Variants in FCHSD2 observed in about 807,000 individuals in gnomAD.
FCHSD2 encodes F-BAR and double SH3 domains protein 2.
A neutral mutation model predicts 108.1 loss-of-function variants in FCHSD2; 38 were observed. The ratio of observed to expected loss-of-function variants is 0.35; its 90% CI spans 0.27 to 0.46. The LOEUF (loss-of-function observed/expected upper bound fraction) is 0.46. FCHSD2 is among the 20% of genes least tolerant of loss of function. The pLI is 1.00. For synonymous variants in FCHSD2, 279 were observed against 314.7 expected (o/e 0.89, Z 1.20); for missense variants, 751 against 897.8 (o/e 0.84, Z 2.09).
At chr11:72,914,324 A>G (rs1855827367) in intron 9 of FCHSD2, among the ~76,000 whole-genome samples, 1 of 152,170 alleles carries the variant, frequency 6.6e-6, no homozygotes, top group Non-Finnish European at 1.5e-5. Context: ...TGCCCTAAGC[A>G]ATTTATAGAT....
In FCHSD2 at chr11:72,925,661, A is replaced by G. The variant is rs117276035; in HGVS notation, c.706-3711T>C. 3.7e-4 allele frequency among the ~76,000 whole-genome samples: 56 copies of G among 152,372 alleles called. 1 individual carries two copies. The East Asian group carries it at 9.8e-3, about 27-fold the overall frequency. ...TCATGAGATAATAACTGACGCACGT[A>G]TCCCAGGGTCCACCAGTAGACACGA... On this transcript the variant is annotated intron_variant, in intron 8 of 19. Coordinates refer to ENST00000409418, the MANE Select transcript of FCHSD2 (RefSeq NM_014824.3).
intron 3 of FCHSD2, among the ~76,000 whole-genome samples, chr11:73,040,837 T>TA (rs1457043682): frequency 2.0e-5 from 3 of 152,306 alleles, no homozygotes; most frequent in Non-Finnish European, 4.4e-5. Context: ...TATTTAACTG[T>TA]ATATTTGTAC....
intron 8 of FCHSD2, among the ~76,000 whole-genome samples, chr11:72,957,679 T>G (rs983903411): frequency 2.6e-5 from 4 of 151,834 alleles, no homozygotes; most frequent in Admixed American, 1.3e-4. Flanking sequence ...ATTTCCTGAT[T>G]TGGATAGCTA....
intron 9 of FCHSD2, among the ~76,000 whole-genome samples, chr11:72,918,564 T>TA (rs1855920634): frequency 6.6e-6 from 1 of 152,192 alleles, no homozygotes; most frequent in Admixed American, 6.5e-5. Flanking sequence ...GCTGAGTGTT[T>TA]ATCACAAAAA....
intron 6 of FCHSD2, among the ~76,000 whole-genome samples, chr11:72,985,357 C>G (rs1180548494): frequency 2.1e-5 from 1 of 47,406 alleles, no homozygotes; most frequent in South Asian, 7.4e-4. Flanking sequence ...CCAGAATGAC[C>G]AAAAAAAAAA....
intron 12 of FCHSD2, 85 bp downstream of exon 12, chr11:72,887,385 A>G: frequency 1.2e-6 from 1 of 830,296 alleles, no homozygotes; most frequent in South Asian, 1.5e-5. Flanking sequence ...CAGTGTGTGT[A>G]GAAACTCAGT....
chr11:72,925,246 A>G (rs1856053772), intron 8 of FCHSD2, among the ~76,000 whole-genome samples: 1 of 152,194 alleles, frequency 6.6e-6, no homozygotes, highest in Non-Finnish European at 1.5e-5. Flanking sequence ...TTTTGACCTT[A>G]CCATAATCAG....
intron 8 of FCHSD2, among the ~76,000 whole-genome samples, chr11:72,936,263 T>C (rs1024060504): frequency 5.3e-5 from 8 of 152,212 alleles, no homozygotes; most frequent in Admixed American, 2.0e-4. Flanking sequence ...GTAAGGAATT[T>C]TGGTGACAGA....
chr11:72,925,553 T>C (rs1029879930), intron 8 of FCHSD2, among the ~76,000 whole-genome samples: 5 of 152,086 alleles, frequency 3.3e-5, no homozygotes, highest in African/African-American at 4.8e-5. Flanking sequence ...CAAATAAATT[T>C]CTAAACACTT....
At chr11:73,096,038 A>T (rs1860065744) in intron 2 of FCHSD2, among the ~76,000 whole-genome samples, 1 of 152,098 alleles carries the variant, frequency 6.6e-6, no homozygotes, top group South Asian at 2.1e-4. Context: ...AAACAAAACA[A>T]AACAAAAAAA....
intron 8 of FCHSD2, among the ~76,000 whole-genome samples, chr11:72,977,847 TG>T (rs1857132664): frequency 6.6e-6 from 1 of 152,250 alleles, no homozygotes; most frequent in South Asian, 2.1e-4. Flanking sequence ...CATGCTGCTC[TG>T]AAGACACATG....
chr11:72,918,901 A>G (rs17244499), intron 9 of FCHSD2, among the ~76,000 whole-genome samples: 22,989 of 152,116 alleles, frequency 0.15, 2,222 homozygotes, highest in South Asian at 0.21. Flanking sequence ...CTATGACAAC[A>G]TCTGCTTCAG....
At chr11:72,918,196 C>G (rs916011221) in intron 9 of FCHSD2, among the ~76,000 whole-genome samples, 45 of 151,878 alleles carry the variant, frequency 3.0e-4, no homozygotes, top group Admixed American at 2.8e-3. Flanking sequence ...CTTTTTGGAT[C>G]ATTCATTGAT....
chr11:72,885,088 T>C (rs1855168596), intron 12 of FCHSD2, among the ~76,000 whole-genome samples: 1 of 152,200 alleles, frequency 6.6e-6, no homozygotes, highest in South Asian at 2.1e-4. Context: ...AAACCATTAT[T>C]GTTAATTCCT....
At chr11:72,850,398 G>A (rs1300066847) in intron 13 of FCHSD2, among the ~76,000 whole-genome samples, 2 of 150,868 alleles carry the variant, frequency 1.3e-5, no homozygotes, top group African/African-American at 4.9e-5. Context: ...TTATTTTTGA[G>A]ACGGAGTCTC....
At chr11:72,909,950 C>G (rs1855723380) in intron 9 of FCHSD2, among the ~76,000 whole-genome samples, 1 of 148,050 alleles carries the variant, frequency 6.8e-6, no homozygotes, top group Non-Finnish European at 1.5e-5. Context: ...AGTACCTCTG[C>G]CCAGCTGCCC....
chr11:73,030,992 C>G (rs1858346889), intron 3 of FCHSD2, among the ~76,000 whole-genome samples: 1 of 151,956 alleles, frequency 6.6e-6, no homozygotes, highest in Non-Finnish European at 1.5e-5. Context: ...CATACACACA[C>G]ACATTGACGC....
intron 12 of FCHSD2, among the ~76,000 whole-genome samples, chr11:72,877,905 T>C (rs1166933390): frequency 1.3e-5 from 2 of 151,906 alleles, no homozygotes; most frequent in African/African-American, 4.8e-5. Flanking sequence ...ATTCGGGAAA[T>C]GGAGGTGGGA....
chr11:73,085,070 AT>A (rs1859784222), intron 2 of FCHSD2, among the ~76,000 whole-genome samples: 1 of 152,212 alleles, frequency 6.6e-6, no homozygotes, highest in Non-Finnish European at 1.5e-5. Flanking sequence ...TTATATAAAA[AT>A]ATAACTGTTT....
Sources: gnomAD v4.1 joint callset for allele counts (sites outside exome capture counted in the v4.1 genomes callset) on GRCh38, gnomAD v4.1.1 for gene constraint, MANE v1.5 for transcripts, NCBI Gene and HGNC (gene_info 2026-07-23, HGNC 2026-07-21) for gene names.